Variants in CRACD observed in about 807,000 individuals in gnomAD.
The protein encoded by CRACD is capping protein-inhibiting regulator of actin dynamics.
CRACD carries 56 observed loss-of-function variants against 106.8 expected under a neutral mutation model. The ratio of observed to expected loss-of-function variants is 0.52; its 90% CI spans 0.42 to 0.66. The LOEUF (loss-of-function observed/expected upper bound fraction) is 0.66, where lower values mean the gene tolerates loss of function less well. Ranked by LOEUF, CRACD falls within the 30% of genes least tolerant of loss-of-function variation. The pLI is 0.00. For synonymous variants in CRACD, 754 were observed against 670.8 expected (o/e 1.12, Z -1.92); for missense variants, 1,730 against 1,623.2 (o/e 1.07, Z -1.13).
chr4:56,263,563 TCTC>T (rs1227018959), intron 2 of CRACD, among the ~76,000 whole-genome samples: 3 of 152,126 alleles, frequency 2.0e-5, no homozygotes, highest in African/African-American at 4.8e-5. Context: ...TGTGTCCTAA[TCTC>T]CTCCTCTTAT....
At chr4:56,190,622 C>T (rs1484524973) in intron 2 of CRACD, among the ~76,000 whole-genome samples, 2 of 152,274 alleles carry the variant, frequency 1.3e-5, no homozygotes, top group South Asian at 2.1e-4. Context: ...CTTCTATGGC[C>T]TTGGACAGCT....
intron 1 of CRACD, among the ~76,000 whole-genome samples, chr4:56,104,564 C>T (rs148562727): frequency 2.0e-3 from 311 of 152,310 alleles, no homozygotes; most frequent in African/African-American, 7.1e-3. Context: ...TTCAGAACTT[C>T]GAGGTCTTCA....
chr4:56,257,624 G>A (rs1741444985), intron 2 of CRACD, among the ~76,000 whole-genome samples: 1 of 152,126 alleles, frequency 6.6e-6, no homozygotes, highest in African/African-American at 2.4e-5. Flanking sequence ...GAGCTCAGGA[G>A]GTCAAGGTTG....
intron 1 of CRACD, among the ~76,000 whole-genome samples, chr4:56,127,370 A>AT (rs1734692067): frequency 6.6e-6 from 1 of 152,228 alleles, no homozygotes; most frequent in African/African-American, 2.4e-5. Context: ...AGGGAGAAAA[A>AT]TAACTTTATT....
chr4:56,085,304 T>A lies in CRACD; in HGVS notation c.-336+36005T>A, dbSNP rs1338588461. Among the ~76,000 whole-genome samples, 12 of 152,330 alleles carry A rather than the reference T, an allele frequency of 7.9e-5. No homozygotes were observed. In the East Asian group the frequency reaches 2.3e-3, roughly 29 times the overall value. On this transcript the variant is annotated intron_variant, in intron 1 of 10. Coordinates refer to ENST00000682029, the MANE Select transcript of CRACD (RefSeq NM_001393381.1). ...TAAAACAATATTAGTAGAATCTTTA[T>A]TTTAAAGTTTATTTATGTGGGTCTT...
At chr4:56,241,452 C>T (rs1471177010) in intron 2 of CRACD, among the ~76,000 whole-genome samples, 2 of 152,008 alleles carry the variant, frequency 1.3e-5, no homozygotes, top group Non-Finnish European at 2.9e-5. Flanking sequence ...TGAATTACCC[C>T]TCCCAATTCC....
chr4:56,313,407 G>A (rs200266596), intron 7 of CRACD, 28 bp downstream of exon 7: 30 of 1,591,646 alleles, frequency 1.9e-5, no homozygotes, highest in East Asian at 4.5e-5. Flanking sequence ...GGGCTGACCA[G>A]GCAGGTGCCC....
intron 1 of CRACD, among the ~76,000 whole-genome samples, chr4:56,081,376 G>A (rs1733021662): frequency 1.3e-5 from 2 of 152,236 alleles, no homozygotes; most frequent in South Asian, 4.1e-4. Context: ...AAGCATTTTT[G>A]TGTGTGTGTT....
At chr4:56,287,703 G>A (rs575880829) in intron 3 of CRACD, among the ~76,000 whole-genome samples, 37 of 152,202 alleles carry the variant, frequency 2.4e-4, no homozygotes, top group Non-Finnish European at 5.1e-4. Flanking sequence ...ATAGCCATTA[G>A]CCACCATGCC....
intron 1 of CRACD, among the ~76,000 whole-genome samples, chr4:56,160,490 T>A (rs1157004735): frequency 6.6e-6 from 1 of 152,186 alleles, no homozygotes; most frequent in Non-Finnish European, 1.5e-5. Context: ...GGCCACTACC[T>A]GCTTTTTAAA....
chr4:56,278,837 A>G (rs559264447), intron 3 of CRACD, among the ~76,000 whole-genome samples: 28 of 152,298 alleles, frequency 1.8e-4, no homozygotes, highest in African/African-American at 6.5e-4. Flanking sequence ...GGATTCTAAT[A>G]GACATCGCTC....
intron 2 of CRACD, among the ~76,000 whole-genome samples, chr4:56,255,691 C>G (rs55705732): frequency 0.093 from 14,151 of 152,170 alleles, 1,962 homozygotes; most frequent in East Asian, 0.61. Flanking sequence ...TTCTAGGGGT[C>G]TAGGGCTGTG....
chr4:56,229,854 A>G (rs1202698083), intron 2 of CRACD, among the ~76,000 whole-genome samples: 1 of 152,086 alleles, frequency 6.6e-6, no homozygotes, highest in Admixed American at 6.5e-5. Context: ...CCCCTGCACA[A>G]CTCTGTGATT....
At chr4:56,239,063 C>T (rs951614784) in intron 2 of CRACD, among the ~76,000 whole-genome samples, 4 of 152,074 alleles carry the variant, frequency 2.6e-5, no homozygotes, top group East Asian at 1.9e-4. Flanking sequence ...GAGGCCGAGG[C>T]GGGCAGGTCA....
At chr4:56,135,524 T>C (rs1237422144) in intron 1 of CRACD, among the ~76,000 whole-genome samples, 1 of 152,226 alleles carries the variant, frequency 6.6e-6, no homozygotes, top group Non-Finnish European at 1.5e-5. Flanking sequence ...ATTAGTGTTA[T>C]CAAATACCTG....
rs1027323050 is a variant in CRACD, at chr4:56,224,177, T to C, written c.-189+44747T>C. ...TTTTTTATTGGAATTGCATTTGATT[T>C]CCAAGTTAAGAAGAATGACATCTTT... On this transcript the variant is annotated intron_variant, in intron 2 of 10. Coordinates refer to ENST00000682029, the MANE Select transcript of CRACD (RefSeq NM_001393381.1). 1.8e-4 allele frequency among the ~76,000 whole-genome samples: 28 copies of C among 152,334 alleles called. 1 individual carries two copies. Among genetic ancestry groups the C allele is most frequent in the African/African-American group, 6.7e-4 (28 of 41,574 alleles).
At chr4:56,247,826 A>G (rs1053784499) in intron 2 of CRACD, among the ~76,000 whole-genome samples, 3 of 149,578 alleles carry the variant, frequency 2.0e-5, no homozygotes, top group Non-Finnish European at 4.4e-5. Context: ...AGCCTGGGCA[A>G]CAGAGTGAGA....
intron 2 of CRACD, among the ~76,000 whole-genome samples, chr4:56,261,277 C>T (rs940341527): frequency 6.6e-6 from 1 of 152,038 alleles, no homozygotes; most frequent in Non-Finnish European, 1.5e-5. Flanking sequence ...ACCCACACAT[C>T]TTCTAGCATG....
At chr4:56,103,020 C>T (rs1180162120) in intron 1 of CRACD, among the ~76,000 whole-genome samples, 1 of 152,198 alleles carries the variant, frequency 6.6e-6, no homozygotes, top group African/African-American at 2.4e-5. Flanking sequence ...CTCTTCTGTA[C>T]TAGCCCTTGA....
Sources: allele counts gnomAD v4.1 joint callset (sites outside exome capture counted in the v4.1 genomes callset), GRCh38; gene constraint gnomAD v4.1.1; transcripts MANE v1.5; gene names NCBI Gene and HGNC (gene_info 2026-07-23, HGNC 2026-07-21).